Variants in MCTP2 observed in about 807,000 individuals in gnomAD.
MCTP2 encodes multiple C2 and transmembrane domain-containing protein 2.
MCTP2 carries 132 observed loss-of-function variants against 111.6 expected under a neutral mutation model. That is an observed-to-expected ratio of 1.18 (90% CI 1.03 to 1.37). MCTP2 has a LOEUF of 1.37. Among genes scored for constraint, MCTP2 ranks in the 40% most tolerant of loss-of-function variants. The pLI is 0.00. For synonymous variants in MCTP2, 395 were observed against 387.7 expected (o/e 1.02, Z -0.22); for missense variants, 1,183 against 1,067.9 (o/e 1.11, Z -1.50).
At chr15:94,428,007 A>G (rs933656194) in intron 17 of MCTP2, among the ~76,000 whole-genome samples, 1 of 152,106 alleles carries the variant, frequency 6.6e-6, no homozygotes, top group Non-Finnish European at 1.5e-5. Context: ...GCTTTTCTCT[A>G]TTTAAATTCT....
At chr15:94,350,923 C>T (rs531602878) in intron 8 of MCTP2, among the ~76,000 whole-genome samples, 58 of 151,886 alleles carry the variant, frequency 3.8e-4, no homozygotes, top group Admixed American at 2.2e-3. Context: ...AGAAGCATTT[C>T]GCTGGTCCTA....
At chr15:94,238,384 A>G (rs1198693404) in intron 1 of MCTP2, among the ~76,000 whole-genome samples, 3 of 152,128 alleles carry the variant, frequency 2.0e-5, no homozygotes, top group African/African-American at 7.2e-5. Context: ...ATCATTTTGT[A>G]TATTGTGTAG....
At chr15:94,392,348 T>G (rs1459347009) in intron 14 of MCTP2, among the ~76,000 whole-genome samples, 5 of 147,566 alleles carry the variant, frequency 3.4e-5, no homozygotes, top group East Asian at 4.1e-4. Flanking sequence ...CTCCAGCCTG[T>G]GTGACCAAGC....
At chr15:94,273,661 A>G in intron 1 of MCTP2, 1 of 192,678 alleles carries the variant, frequency 5.2e-6, no homozygotes, top group Non-Finnish European at 1.1e-5. Context: ...CACGAGGTCC[A>G]GGTGGTTTGA....
At chr15:94,338,784 C>A (rs1265979994) in intron 4 of MCTP2, among the ~76,000 whole-genome samples, 1 of 152,210 alleles carries the variant, frequency 6.6e-6, no homozygotes, top group Non-Finnish European at 1.5e-5. Context: ...AATCTCTACG[C>A]CTCCAGTTTC....
chr15:94,297,011 G>A (rs1388203083), intron 1 of MCTP2, among the ~76,000 whole-genome samples: 1 of 152,158 alleles, frequency 6.6e-6, no homozygotes, highest in African/African-American at 2.4e-5. Flanking sequence ...CCTTGAAGGA[G>A]CTGGGGTGGG....
intron 14 of MCTP2, among the ~76,000 whole-genome samples, chr15:94,386,795 A>G (rs1445769775): frequency 6.9e-6 from 1 of 145,808 alleles, no homozygotes; most frequent in Non-Finnish European, 1.5e-5. Context: ...CTTGGTGAAC[A>G]TGACTTAAAA....
rs2085434311 is a variant in MCTP2, at chr15:94,464,261, A to ATATATATTATATATATATATTATAT, written c.2360+6022_2360+6023insTATATATATATATTATATTATATAT. On this transcript the variant is annotated intron_variant, in intron 20 of 22. Transcript: ENST00000357742. ...TATAATATATATATATATATATTATATATATATATATATATATAAACGTCA... is the reference window on the plus strand; with the variant it reads ...TATAATATATATATATATATATTATATATATATTATATATATATATTATATTATATATATATATATATAAACGTCA... Among the ~76,000 whole-genome samples, 132 of 43,188 alleles carry ATATATATTATATATATATATTATAT rather than the reference A, an allele frequency of 3.1e-3. 5 individuals are homozygous for ATATATATTATATATATATATTATAT. Among genetic ancestry groups the ATATATATTATATATATATATTATAT allele is most frequent in the East Asian group, 0.027 (67 of 2,516 alleles). The allele number at this position is 43,188 out of a possible 152,430, so 28.3% of individuals were successfully genotyped here. A position where few individuals can be genotyped will look rare whatever the true frequency, so the allele number is the denominator to read the frequency against.
intron 19 of MCTP2, among the ~76,000 whole-genome samples, chr15:94,453,263 C>CT (rs1167472351): frequency 6.6e-6 from 1 of 152,204 alleles, no homozygotes; most frequent in East Asian, 1.9e-4. Flanking sequence ...CAGGTTAACT[C>CT]TAACAACCAG....
rs557681316 is a variant in MCTP2 at position 94,341,335 on chromosome 15, A to G, written c.969+411A>G. On this transcript the variant is annotated intron_variant, in intron 7 of 22. Coordinates refer to ENST00000357742, the MANE Select transcript of MCTP2 (RefSeq NM_001385001.1). The stretch of plus-strand genomic sequence containing the variant: ...GTCTGTAACATCAGTGAAGCATTAG[A>G]CTTTGTCACAATATGATTGGGACTC... The G allele has an allele frequency of 1.6e-4, 25 of 160,028 alleles. No individual in the cohort carries two copies. The South Asian group carries it at 4.0e-3, about 25-fold the overall frequency. 9.9% of individuals were successfully genotyped at this position (160,028 alleles called of 1,614,324 possible). A position where few individuals can be genotyped will look rare whatever the true frequency, so the allele number is the denominator to read the frequency against.
At chr15:94,336,762 T>C (rs2077384955) in intron 4 of MCTP2, among the ~76,000 whole-genome samples, 1 of 151,802 alleles carries the variant, frequency 6.6e-6, no homozygotes, top group Non-Finnish European at 1.5e-5. Context: ...TATATACACA[T>C]ATATATGTAT....
intron 1 of MCTP2, among the ~76,000 whole-genome samples, chr15:94,274,591 C>G (rs923976568): frequency 1.3e-5 from 2 of 152,062 alleles, no homozygotes; most frequent in South Asian, 2.1e-4. Flanking sequence ...ATGAATAACT[C>G]TAGTCCAATA....
In MCTP2 at chr15:94,388,636, T is replaced by C. The variant is rs904841023; in HGVS notation, c.1788+3111T>C. ...TACTTATTTAGATCTAGTTTTTTTT[T>C]CTTTAATCTCTCTTGAGTGATGCTT... is the stretch of plus-strand genomic sequence containing the variant. On this transcript the variant is annotated intron_variant, in intron 14 of 22. Coordinates refer to ENST00000357742, the MANE Select transcript of MCTP2 (RefSeq NM_001385001.1). Among the ~76,000 whole-genome samples, 3 of 152,214 alleles carry C rather than the reference T, an allele frequency of 2.0e-5. No homozygotes were observed. In the East Asian group the frequency reaches 5.8e-4, roughly 29 times the overall value.
intron 17 of MCTP2, among the ~76,000 whole-genome samples, chr15:94,433,292 A>G (rs1314489735): frequency 6.6e-6 from 1 of 152,178 alleles, no homozygotes; most frequent in African/African-American, 2.4e-5. Context: ...TTTAGGATAG[A>G]AAGTGAAGAA....
intron 19 of MCTP2, among the ~76,000 whole-genome samples, chr15:94,454,621 T>A (rs1170866461): frequency 6.6e-6 from 1 of 151,954 alleles, no homozygotes; most frequent in Non-Finnish European, 1.5e-5. Flanking sequence ...AAACCCTAAA[T>A]TATGGTCATA....
chr15:94,465,551 A>T (rs148754375), intron 20 of MCTP2, among the ~76,000 whole-genome samples: 111 of 152,232 alleles, frequency 7.3e-4, no homozygotes, highest in African/African-American at 2.5e-3. Context: ...AGAAAGCCAA[A>T]CTGCAGATAA....
chr15:94,311,233 G>C (rs1359365712), intron 2 of MCTP2, among the ~76,000 whole-genome samples: 5 of 151,754 alleles, frequency 3.3e-5, no homozygotes, highest in Admixed American at 6.6e-5. Flanking sequence ...TGCCATGTTG[G>C]CCAGGCTGGT....
chr15:94,276,827 T>G (rs533148886), intron 1 of MCTP2, among the ~76,000 whole-genome samples: 1 of 131,566 alleles, frequency 7.6e-6, no homozygotes, highest in African/African-American at 3.1e-5. Context: ...TCTTAAGAGC[T>G]GTTAGTAAAC....
Position 94,247,255 on chromosome 15 carries a change from C to T in MCTP2, c.-66+15591C>T, listed in dbSNP as rs530600581. Among the ~76,000 whole-genome samples, 24 of 152,240 alleles carry T rather than the reference C, an allele frequency of 1.6e-4. No individual in the cohort carries two copies. The South Asian group carries it at 3.9e-3, about 25-fold the overall frequency. ...CAGAGGGCATTGGATGCACATCAGT[C>T]AGCTCCTCATGAGTGCTTCCTGGGT... On this transcript the variant is annotated intron_variant, in intron 1 of 22. Transcript: ENST00000357742.
Sources: gnomAD v4.1 joint callset for allele counts (sites outside exome capture counted in the v4.1 genomes callset) on GRCh38, gnomAD v4.1.1 for gene constraint, MANE v1.5 for transcripts, NCBI Gene and HGNC (gene_info 2026-07-23, HGNC 2026-07-21) for gene names.